ZP3: variants seen among roughly 807,000 people sequenced by gnomAD.
ZP3 encodes the protein zona pellucida glycoprotein 3.
Under a neutral mutation model 35.6 loss-of-function variants are expected in ZP3, and 21 were observed. That is an observed-to-expected ratio of 0.59 (90% CI 0.42 to 0.85). The LOEUF (loss-of-function observed/expected upper bound fraction) is 0.85. Among genes scored for constraint, ZP3 ranks in the 40% least tolerant of loss-of-function variants. ZP3 has a pLI of 0.00. For missense variants in ZP3, 437 were observed against 536.5 expected (o/e 0.81, Z 1.83); for synonymous variants, 207 against 214.5 (o/e 0.96, Z 0.31).
intron 1 of ZP3, among the ~76,000 whole-genome samples, chr7:76,400,755 G>A (rs1804796009): frequency 1.3e-5 from 2 of 152,172 alleles, no homozygotes; most frequent in Admixed American, 6.5e-5. Context: ...TGATCCTCCT[G>A]CCTTGGCCTC....
chr7:76,416,816 C>A (rs1019098), intron 1 of ZP3, among the ~76,000 whole-genome samples: 63,423 of 143,472 alleles, frequency 0.44, 14,034 homozygotes, highest in East Asian at 0.65. Context: ...CTCTCTCTCT[C>A]TATATATATA....
Position 76,399,621 on chromosome 7 carries a change from A to AC in ZP3, c.-67+1831dup, listed in dbSNP as rs555408765. Among the ~76,000 whole-genome samples, 300 of 151,374 alleles carry AC rather than the reference A, an allele frequency of 2.0e-3. 2 individuals are homozygous for AC. The highest frequency in any genetic ancestry group is 6.7e-3 in the African/African-American group (278 of 41,268). ...ACAATCACGGCTCACTGCAGCCTTG[A>AC]CCCCCCCAGACTCCAGCGATCCTCC... On this transcript the variant is annotated intron_variant, in intron 1 of 8. Transcript: ENST00000336517.
intron 4 of ZP3, 147 bp from the exon 5 acceptor site, chr7:76,433,891 G>T: frequency 4.3e-6 from 4 of 927,622 alleles, no homozygotes; most frequent in South Asian, 3.4e-5. Flanking sequence ...TAGAGACAAG[G>T]TTTCACCATG....
At chr7:76,402,916 C>T (rs147068297) in intron 1 of ZP3, among the ~76,000 whole-genome samples, 2 of 152,344 alleles carry the variant, frequency 1.3e-5, no homozygotes, top group African/African-American at 4.8e-5. Flanking sequence ...ATCCATCCGC[C>T]TCAGCCTCCC....
intron 1 of ZP3, among the ~76,000 whole-genome samples, chr7:76,405,317 G>T (rs1339090961): frequency 0.11 from 1,655 of 15,554 alleles, 160 homozygotes; most frequent in African/African-American, 0.23. Flanking sequence ...ATATATATAT[G>T]TATTTTTTTC....
chr7:76,430,219 TAATAA>T (rs1398278712), intron 2 of ZP3, among the ~76,000 whole-genome samples: 1 of 151,914 alleles, frequency 6.6e-6, no homozygotes, highest in Admixed American at 6.6e-5. Context: ...CAAAAAATAA[TAATAA>T]AATAGTGCTA....
chr7:76,403,291 C>A (rs1482073210), intron 1 of ZP3, among the ~76,000 whole-genome samples: 1 of 152,078 alleles, frequency 6.6e-6, no homozygotes, highest in Non-Finnish European at 1.5e-5. Flanking sequence ...ATAACCACCC[C>A]CTGCAGCCTG....
chr7:76,405,133 C>A (rs1216633063), intron 1 of ZP3, among the ~76,000 whole-genome samples: 4 of 145,790 alleles, frequency 2.7e-5, no homozygotes, highest in African/African-American at 1.0e-4. Flanking sequence ...CAGACAGAGT[C>A]TCACTCTGTG....
At chr7:76,437,127 G>A (rs1206265272) in intron 5 of ZP3, among the ~76,000 whole-genome samples, 25 of 151,386 alleles carry the variant, frequency 1.7e-4, no homozygotes, top group African/African-American at 5.6e-4. Flanking sequence ...GCTGCAGTGA[G>A]CTATGATGGT....
At chr7:76,405,273 A>T (rs112060193) in intron 1 of ZP3, among the ~76,000 whole-genome samples, 630 of 14,292 alleles carry the variant, frequency 0.044, 24 homozygotes, top group East Asian at 0.1. Context: ...CCAGCTAATT[A>T]TATATATATA....
upstream of ZP3, among the ~76,000 whole-genome samples, chr7:76,423,067 G>GAAAGAAAGAAAGAAAGAAACAAAGAAAC (rs1554624531): frequency 1.4e-5 from 2 of 143,388 alleles, no homozygotes; most frequent in African/African-American, 5.5e-5. Context: ...AAGAAAGAAA[G>GAAAGAAAGAAAGAAAGAAACAAAGAAAC]AAAGAAAGAA....
At chr7:76,404,346 G>A in intron 1 of ZP3, 1 of 1,612,608 alleles carries the variant, frequency 6.2e-7, no homozygotes, top group Admixed American at 1.7e-5. Flanking sequence ...GCTTGGGGGA[G>A]GAAGGGAGGG....
upstream of ZP3, among the ~76,000 whole-genome samples, chr7:76,423,025 G>GAGAGAAAGAAAGAAAGAAAGAAAGAA (rs1278384225): frequency 4.9e-4 from 37 of 75,814 alleles, no homozygotes; most frequent in Non-Finnish European, 7.1e-4. Flanking sequence ...GAGAGAGAGA[G>GAGAGAAAGAAAGAAAGAAAGAAAGAA]AGAAAGAAAG....
At chr7:76,397,543 G>A (rs754019528) in exon 1 of ZP3, 15 of 1,587,792 alleles carry the variant, frequency 9.4e-6, no homozygotes, top group Non-Finnish European at 1.3e-5. Context: ...CCGCGTCCTC[G>A]TGGTGGCCGC....
At chr7:76,434,712 C>G (rs1315370524) in intron 5 of ZP3, among the ~76,000 whole-genome samples, 1 of 147,752 alleles carries the variant, frequency 6.8e-6, no homozygotes, top group African/African-American at 2.5e-5. Flanking sequence ...GTGTGAACTT[C>G]GTAGCCAGGG....
chr7:76,433,669 T>C, intron 4 of ZP3, 22 bp downstream of exon 4: 1 of 1,575,716 alleles, frequency 6.3e-7, no homozygotes, highest in Non-Finnish European at 8.6e-7. Context: ...GCTCCCTGCC[T>C]AGAGAACCTT....
rs1436099386 is a variant in ZP3 at position 76,437,561 on chromosome 7, C to T, written c.832-2689C>T. 3.3e-5 allele frequency among the ~76,000 whole-genome samples: 5 copies of T among 150,898 alleles called. No homozygotes were observed. In the South Asian group the frequency reaches 6.3e-4, roughly 19 times the overall value. On this transcript the variant is annotated intron_variant, in intron 5 of 7. Transcript: ENST00000394857. Reference sequence around the variant, plus strand: ...AGTGCAATGGCGTAATCTCAGCTCACTGCAACTTCCCATCTCCCAGGTTCA... The same window carrying T: ...AGTGCAATGGCGTAATCTCAGCTCATTGCAACTTCCCATCTCCCAGGTTCA...
At chr7:76,441,476 C>T (rs190437515) in intron 7 of ZP3, among the ~76,000 whole-genome samples, 1 of 152,028 alleles carries the variant, frequency 6.6e-6, no homozygotes, top group Non-Finnish European at 1.5e-5. Flanking sequence ...GAAACCTCTA[C>T]CTCCCAGGTT....
At chr7:76,418,738 C>A (rs1356954044) in intron 1 of ZP3, among the ~76,000 whole-genome samples, 2 of 151,732 alleles carry the variant, frequency 1.3e-5, no homozygotes, top group Non-Finnish European at 2.9e-5. Context: ...CGCCTATAGT[C>A]CCAGCTACTT....
Sources: gnomAD v4.1 joint callset for allele counts (sites outside exome capture counted in the v4.1 genomes callset) on GRCh38, gnomAD v4.1.1 for gene constraint, MANE v1.5 for transcripts, NCBI Gene and HGNC (gene_info 2026-07-23, HGNC 2026-07-21) for gene names.